Variants in ERBB2 observed in about 807,000 individuals in gnomAD.
ERBB2 encodes receptor tyrosine-protein kinase erbB-2.
In ERBB2, 61 loss-of-function variants were observed where a neutral mutation model predicts 149.0. The observed-to-expected ratio is 0.41, with a 90% CI of 0.33 to 0.51. ERBB2 has a LOEUF of 0.51. ERBB2 is among the 20% of genes least tolerant of loss of function. The pLI, the probability that ERBB2 is intolerant of heterozygous loss-of-function variation, is 0.25. For missense variants in ERBB2, 1,205 were observed against 1,655.1 expected, an observed-to-expected ratio of 0.73 and a Z score of 4.72; for synonymous variants, 633 against 678.8, an observed-to-expected ratio of 0.93 and a Z score of 1.05.
rs2059687930 is a variant in ERBB2 at position 39,725,269 on chromosome 17, CTGAG to C, written c.2650-55_2650-52del. The stretch of plus-strand genomic sequence containing the variant: ...GTGGTGTCTAGCCCATGGGAGAACT[CTGAG>C]TGGCCACCTCCCCACAACACACAGT... On this transcript the variant is annotated intron_variant, in intron 21 of 26. Coordinates refer to ENST00000269571, the MANE Select transcript of ERBB2 (RefSeq NM_004448.4). The surrounding 1 kb of genome is among the most constrained non-coding windows in gnomAD (Gnocchi z 4.6). The C allele has an allele frequency of 1.2e-6, 2 of 1,613,124 alleles. No homozygotes were observed. The highest frequency in any genetic ancestry group is 1.7e-6 in the Non-Finnish European group (2 of 1,179,348).
Position 39,689,869 on chromosome 17 carries a change from G to A in ERBB2, c.-277+1069G>A, listed in dbSNP as rs536755377. ...TGTGGTGAGCCAAGATTGCGCCATC[G>A]CACTCCAGCCTGGGCAACAAGAGCG... On this transcript the variant is annotated intron_variant, in intron 2 of 17. Transcript: ENST00000578199. 1.0e-4 allele frequency among the ~76,000 whole-genome samples: 15 copies of A among 145,658 alleles called. 1 individual carries two copies. In the South Asian group the frequency reaches 3.0e-3, roughly 29 times the overall value.
At chr17:39,688,126 C>A in exon 1 of ERBB2, 2 of 1,050,616 alleles carry the variant, frequency 1.9e-6, no homozygotes, top group Non-Finnish European at 2.5e-6. Context: ...GAAGTCCACA[C>A]AGTTTAAATT....
intron 19 of ERBB2, among the ~76,000 whole-genome samples, chr17:39,724,501 G>A (rs774340543): frequency 1.1e-4 from 17 of 151,738 alleles, no homozygotes; most frequent in Non-Finnish European, 2.1e-4. Context: ...CTCATGATCC[G>A]CCCGCCTCGG....
upstream of ERBB2, among the ~76,000 whole-genome samples, chr17:39,695,394 C>G (rs1477799147): frequency 7.9e-5 from 12 of 152,076 alleles, no homozygotes; most frequent in Admixed American, 7.9e-4. Flanking sequence ...GGTTAGGATA[C>G]AAGTGCTCAT....
Position 39,709,506 on chromosome 17 carries a change from G to C in ERBB2, c.574+54G>C, listed in dbSNP as rs1025389718. On this transcript the variant is annotated intron_variant, in intron 4 of 26. Transcript: ENST00000269571. Reference sequence around the variant, plus strand: ...TCTCTCAGACAGCCTGACCCCAGCCGCAAACTCCCAACTTACAACCCAGTG... The same window carrying C: ...TCTCTCAGACAGCCTGACCCCAGCCCCAAACTCCCAACTTACAACCCAGTG... 1.2e-6 allele frequency: 2 copies of C among 1,600,772 alleles called. 1 individual carries two copies. The highest frequency in any genetic ancestry group is 2.2e-5 in the South Asian group (2 of 89,732).
At chr17:39,713,356 A>C (rs1011474182) in intron 9 of ERBB2, 2 of 151,036 alleles carry the variant, frequency 1.3e-5, no homozygotes, top group African/African-American at 4.9e-5. Flanking sequence ...CGATCTCTTG[A>C]CGTCGTGATC....
chr17:39,689,981 T>C (rs865878684), upstream of ERBB2, among the ~76,000 whole-genome samples: 11 of 151,970 alleles, frequency 7.2e-5, no homozygotes, highest in Non-Finnish European at 1.3e-4. Context: ...TGAAATGCAG[T>C]AACGCCCCAC....
At chr17:39,695,726 C>CACACAT (rs2057846669), upstream of ERBB2, among the ~76,000 whole-genome samples, 1 of 150,054 alleles carries the variant, frequency 6.7e-6, no homozygotes, top group Non-Finnish European at 1.5e-5. Flanking sequence ...CACACACACA[C>CACACAT]ACACACACAC....
At chr17:39,717,158 A>G (rs2059180343) in intron 14 of ERBB2, 162 bp from the exon 15 acceptor site, 1 of 569,182 alleles carries the variant, frequency 1.8e-6, no homozygotes, top group Non-Finnish European at 3.0e-6. Context: ...GGGAGGGGCC[A>G]CAGAGACTGG....
chr17:39,712,357 G>T lies in ERBB2; in HGVS notation c.1057G>T (p.Val353Leu), dbSNP rs769082334. Residue 353 changes from valine to leucine, a missense_variant, in exon 9 of 27, where the codon GTG becomes TTG. Physicochemically the swap from Val to Leu is conservative, Grantham distance 32. Transcript: ENST00000269571. The stretch of plus-strand genomic sequence containing the variant: ...TCTGGGCATGGAGCACTTGCGAGAG[G>T]TGAGGGCAGTTACCAGTGCCAATAT... The part of the protein sequence containing the change: ...YGLGMEHLRE[V>L]RAVTSANIQE... 2.0e-5 allele frequency: 33 copies of T among 1,614,042 alleles called. No homozygotes were observed. Among genetic ancestry groups the T allele is most frequent in the Non-Finnish European group, 2.8e-5 (33 of 1,179,992 alleles).
At chr17:39,688,816 G>C (rs2057624546) in intron 2 of ERBB2, 1 of 152,346 alleles carries the variant, frequency 6.6e-6, no homozygotes. Context: ...CGCTAACTGC[G>C]TTTGTTTGTT....
chr17:39,694,193 GAAAAAAAAAAAAAAAAAAAAAA>G (rs869070213), upstream of ERBB2, among the ~76,000 whole-genome samples: 1 of 15,592 alleles, frequency 6.4e-5, no homozygotes, highest in African/African-American at 2.0e-4. Flanking sequence ...CTCTGTCTCA[GAAAAAAAAAAAAAAAAAAAAAA>G]AAAAAAAAAA....
At chr17:39,710,270 G>A (rs2145511670) in intron 6 of ERBB2, 69 bp downstream of exon 6, 1 of 1,610,464 alleles carries the variant, frequency 6.2e-7, no homozygotes, top group Non-Finnish European at 8.5e-7. Flanking sequence ...ACCCTGCCTG[G>A]TACTGCCCTA....
chr17:39,725,849 C>A lies in ERBB2; in HGVS notation c.2868C>A (p.Val956=). Residue 956 remains valine (V), a synonymous_variant, in exon 23 of 27, where the codon GTC becomes GTA. Transcript: ENST00000269571. This position sits in a 1 kb window ranked among gnomAD's most constrained non-coding sequence, Gnocchi z 4.6. ...CCATTGATGTCTACATGATCATGGTCAAATGTGCGTGGCTGAGCTGTGCTG... is the reference window on the plus strand; with the variant it reads ...CCATTGATGTCTACATGATCATGGTAAAATGTGCGTGGCTGAGCTGTGCTG... ...ICTIDVYMIM[V]KCWMIDSECR... 1 of 1,613,504 alleles carries A rather than the reference C, an allele frequency of 6.2e-7. No homozygotes were observed. The highest frequency in any genetic ancestry group is 1.1e-5 in the South Asian group (1 of 90,910).
intron 20 of ERBB2, 68 bp downstream of exon 20, chr17:39,724,979 G>A (rs2145858204): frequency 6.2e-7 from 1 of 1,608,220 alleles, no homozygotes; most frequent in Non-Finnish European, 8.5e-7. Context: ...GCTAGGATGG[G>A]GACTCTTGCT....
At chr17:39,700,760 C>T (rs919360404) in intron 1 of ERBB2, among the ~76,000 whole-genome samples, 10 of 152,106 alleles carry the variant, frequency 6.6e-5, no homozygotes, top group Non-Finnish European at 8.8e-5. Context: ...CTCCTCCAGC[C>T]CCTCCCCGCT....
chr17:39,708,274 G>A (rs186083828), intron 2 of ERBB2, 47 bp from the exon 3 acceptor site: 1 of 1,521,040 alleles, frequency 6.6e-7, no homozygotes, highest in Non-Finnish European at 9.1e-7. Flanking sequence ...AGGCCCTGGG[G>A]GGTGGCAGTG....
At chr17:39,692,997 G>A (rs1261830934), upstream of ERBB2, among the ~76,000 whole-genome samples, 1 of 152,154 alleles carries the variant, frequency 6.6e-6, no homozygotes, top group Non-Finnish European at 1.5e-5. Flanking sequence ...AGGAGGCAGA[G>A]ATTGCAGTGA....
At chr17:39,716,249 G>C (rs2145670960) in intron 12 of ERBB2, 52 bp from the exon 13 acceptor site, 1 of 1,516,628 alleles carries the variant, frequency 6.6e-7, no homozygotes, top group Non-Finnish European at 8.8e-7. Context: ...GGTTCACTTG[G>C]ACCTGGGGCC....
Sources: allele counts gnomAD v4.1 joint callset (sites outside exome capture counted in the v4.1 genomes callset), GRCh38; gene constraint gnomAD v4.1.1; non-coding constraint Gnocchi (gnomAD v3.1); transcripts MANE v1.5; gene names NCBI Gene and HGNC (gene_info 2026-07-23, HGNC 2026-07-21).